NPAS3: variants seen among roughly 807,000 people sequenced by gnomAD.
NPAS3 encodes the protein neuronal PAS domain protein 3, also known as neuronal PAS domain-containing protein 3.
NPAS3 carries 14 observed loss-of-function variants against 73.1 expected under a neutral mutation model. That is an observed-to-expected ratio of 0.19 (90% CI 0.13 to 0.30). The LOEUF (loss-of-function observed/expected upper bound fraction) is 0.30, where lower values mean the gene tolerates loss of function less well. Ranked by LOEUF, NPAS3 falls within the 10% of genes least tolerant of loss-of-function variation. The pLI is 1.00. For missense variants in NPAS3, 1,096 were observed against 1,250.0 expected (o/e 0.88, Z 1.86); for synonymous variants, 620 against 541.5 (o/e 1.14, Z -2.01).
exon 12 of NPAS3, chr14:33,801,083 C>G: frequency 6.3e-7 from 1 of 1,591,188 alleles, no homozygotes; most frequent in Non-Finnish European, 8.6e-7. Context: ...CCACGCGGCA[C>G]AGACTCTGGA....
At chr14:33,146,423 A>C (rs1259045145) in intron 2 of NPAS3, among the ~76,000 whole-genome samples, 3 of 152,180 alleles carry the variant, frequency 2.0e-5, no homozygotes, top group Non-Finnish European at 4.4e-5. Context: ...TGAGATGACA[A>C]TCCCTTAGGC....
rs566224062 is a variant in NPAS3 at position 33,408,917 on chromosome 14, G to GA, written c.468+41653dup. ...GTGGAGTATGTGGAATATATTGAGGGAAAATGACTATCAATTATTTTGTTG... is the reference window on the plus strand; with the variant it reads ...GTGGAGTATGTGGAATATATTGAGGGAAAAATGACTATCAATTATTTTGTTG... On this transcript the variant is annotated intron_variant, in intron 4 of 11. Transcript: ENST00000356141. Among the ~76,000 whole-genome samples, 83 of 152,236 alleles carry GA rather than the reference G, an allele frequency of 5.5e-4. 1 individual carries two copies. Among genetic ancestry groups the GA allele is most frequent in the African/African-American group, 1.8e-3 (74 of 41,538 alleles).
rs114819961 is a variant in NPAS3, at chr14:33,159,294, C to T, written c.141-55888C>T. ...TCAATTTGTTTATGAGTTGATGCACCAGAATTGCTTTGTGAGCTCTGAAGT... is the reference window on the plus strand; with the variant it reads ...TCAATTTGTTTATGAGTTGATGCACTAGAATTGCTTTGTGAGCTCTGAAGT... On this transcript the variant is annotated intron_variant, in intron 2 of 11. Coordinates refer to ENST00000356141, the Ensembl canonical transcript of NPAS3. Among the ~76,000 whole-genome samples, 730 of 152,244 alleles carry T rather than the reference C, an allele frequency of 4.8e-3. 5 individuals carry two copies. Among genetic ancestry groups the T allele is most frequent in the African/African-American group, 0.017 (686 of 41,532 alleles).
At chr14:33,785,616 A>G (rs1005021745) in intron 9 of NPAS3, among the ~76,000 whole-genome samples, 1 of 152,138 alleles carries the variant, frequency 6.6e-6, no homozygotes, top group Non-Finnish European at 1.5e-5. Context: ...CTCAAAAAAC[A>G]TCAAACTTTT....
At chr14:33,578,175 T>G in intron 5 of NPAS3, 1 of 456,048 alleles carries the variant, frequency 2.2e-6, no homozygotes, top group South Asian at 1.5e-5. Context: ...AGAAGCCAGA[T>G]GAACTACCAA....
chr14:33,570,151 A>G (rs1268870827), intron 5 of NPAS3, among the ~76,000 whole-genome samples: 1 of 152,230 alleles, frequency 6.6e-6, no homozygotes, highest in East Asian at 1.9e-4. Flanking sequence ...AAATTAAAGT[A>G]TTCAGAGGCA....
chr14:32,986,414 A>G (rs181513532), intron 1 of NPAS3, among the ~76,000 whole-genome samples: 1 of 152,270 alleles, frequency 6.6e-6, no homozygotes, highest in East Asian at 1.9e-4. Context: ...CACATTCTGA[A>G]AGAGTTGGAC....
At chr14:33,113,765 T>G (rs1302218482) in intron 2 of NPAS3, among the ~76,000 whole-genome samples, 1 of 152,206 alleles carries the variant, frequency 6.6e-6, no homozygotes, top group Non-Finnish European at 1.5e-5. Flanking sequence ...AGGGAATGCT[T>G]CCAGTTTTTG....
At chr14:33,792,310 A>T (rs560885140) in intron 9 of NPAS3, among the ~76,000 whole-genome samples, 1 of 152,262 alleles carries the variant, frequency 6.6e-6, no homozygotes, top group Non-Finnish European at 1.5e-5. Flanking sequence ...GAAACTTGTT[A>T]TGATTTGAAA....
At chr14:33,225,316 G>C (rs571969306) in intron 3 of NPAS3, among the ~76,000 whole-genome samples, 5 of 152,182 alleles carry the variant, frequency 3.3e-5, no homozygotes, top group Non-Finnish European at 7.3e-5. Flanking sequence ...GAGCACAGGT[G>C]CTCTGGTTAG....
chr14:33,237,952 A>G (rs1246161826), intron 3 of NPAS3, among the ~76,000 whole-genome samples: 1 of 151,918 alleles, frequency 6.6e-6, no homozygotes, highest in African/African-American at 2.4e-5. Context: ...CACAAGCAAA[A>G]TGTATACATT....
chr14:32,967,213 A>G (rs1022386173), intron 1 of NPAS3, among the ~76,000 whole-genome samples: 37 of 152,242 alleles, frequency 2.4e-4, no homozygotes, highest in African/African-American at 8.2e-4. Context: ...ATCCACTTCC[A>G]CTTAATGAAT....
At chr14:33,165,827 A>G (rs1416088499) in intron 2 of NPAS3, among the ~76,000 whole-genome samples, 1 of 152,056 alleles carries the variant, frequency 6.6e-6, no homozygotes, top group Non-Finnish European at 1.5e-5. Flanking sequence ...AAACTTATTC[A>G]GCCTAGGCTT....
intron 3 of NPAS3, among the ~76,000 whole-genome samples, chr14:33,311,207 G>A (rs1211171461): frequency 6.6e-6 from 1 of 151,972 alleles, no homozygotes; most frequent in Admixed American, 6.6e-5. Flanking sequence ...CTGTCCTTTG[G>A]CAAAGTGCTC....
intron 3 of NPAS3, among the ~76,000 whole-genome samples, chr14:33,225,928 G>A (rs528238877): frequency 1.3e-5 from 2 of 152,266 alleles, no homozygotes; most frequent in East Asian, 3.9e-4. Flanking sequence ...TGAATGGCCA[G>A]AAATATGTTT....
At chr14:33,394,942 T>C (rs1397231142) in intron 4 of NPAS3, among the ~76,000 whole-genome samples, 1 of 152,132 alleles carries the variant, frequency 6.6e-6, no homozygotes, top group Non-Finnish European at 1.5e-5. Context: ...AAAACAAACA[T>C]TTATCAATAT....
intron 3 of NPAS3, among the ~76,000 whole-genome samples, chr14:33,359,482 C>G (rs182913484): frequency 2.6e-5 from 4 of 152,130 alleles, no homozygotes; most frequent in South Asian, 2.1e-4. Context: ...ATCTCCACCC[C>G]CTTCCTACTG....
intron 4 of NPAS3, among the ~76,000 whole-genome samples, chr14:33,499,587 C>A (rs1443499147): frequency 6.6e-6 from 1 of 151,918 alleles, no homozygotes; most frequent in Non-Finnish European, 1.5e-5. Context: ...TCCTCCATAA[C>A]CCTGTGCCTA....
intron 6 of NPAS3, among the ~76,000 whole-genome samples, chr14:33,694,187 C>T (rs893168988): frequency 1.3e-5 from 2 of 152,058 alleles, no homozygotes; most frequent in African/African-American, 4.8e-5. Flanking sequence ...AACCCCCTCG[C>T]CCCTTGTGGA....
Sources: gnomAD v4.1 joint callset for allele counts (sites outside exome capture counted in the v4.1 genomes callset) on GRCh38, gnomAD v4.1.1 for gene constraint, MANE v1.5 for transcripts, NCBI Gene and HGNC (gene_info 2026-07-23, HGNC 2026-07-21) for gene names.